KDM4B: variants seen among roughly 807,000 people sequenced by gnomAD.
The protein encoded by KDM4B is lysine demethylase 4B.
Under a neutral mutation model 125.2 loss-of-function variants are expected in KDM4B, and 32 were observed. That is an observed-to-expected ratio of 0.26 (90% CI 0.19 to 0.34). The LOEUF (loss-of-function observed/expected upper bound fraction) is 0.34, where lower values mean the gene tolerates loss of function less well. Ranked by LOEUF, KDM4B falls within the 10% of genes least tolerant of loss-of-function variation. The pLI is 1.00. For synonymous variants in KDM4B, 721 were observed against 677.9 expected (o/e 1.06, Z -0.99); for missense variants, 1,190 against 1,577.7 (o/e 0.75, Z 4.16).
chr19:5,046,287 AAC>A (rs1389189124), intron 5 of KDM4B, among the ~76,000 whole-genome samples: 16 of 152,240 alleles, frequency 1.1e-4, no homozygotes, highest in African/African-American at 3.9e-4. Flanking sequence ...CAGCGGGGGA[AAC>A]AGCCCACAGC....
rs752073066 is a variant in KDM4B at position 5,151,382 on chromosome 19, G to GGCCAAGGCC, written c.3169_3177dup (p.Ala1057_Lys1059dup). ...AGGAGCCCGCCTTCTCGGGGGAGGAGGCCAAGGCCGCCAAGCGCCCGCGTG... is the reference window on the plus strand; with the variant it reads ...AGGAGCCCGCCTTCTCGGGGGAGGAGGCCAAGGCCGCCAAGGCCGCCAAGCGCCCGCGTG... On this transcript the variant is annotated inframe_insertion, in exon 23 of 23. Coordinates refer to ENST00000159111, the MANE Select transcript of KDM4B (RefSeq NM_015015.3). 3.1e-6 allele frequency: 5 copies of GGCCAAGGCC among 1,589,766 alleles called. No individual in the cohort carries two copies. Among genetic ancestry groups the GGCCAAGGCC allele is most frequent in the Admixed American group, 3.5e-5 (2 of 57,532 alleles).
rs2039751055 is a variant in KDM4B, at chr19:5,141,913, T to A, written c.2551-2054T>A. On this transcript the variant is annotated intron_variant, in intron 18 of 22. Transcript: ENST00000159111. The surrounding 1 kb of genome is among the most constrained non-coding windows in gnomAD (Gnocchi z 6.4). ...GAGGGGTGGGCAGTTGCACCAGCTC[T>A]CTCCACTGCCCACAGTCCTGCCTGG... 6.6e-6 allele frequency among the ~76,000 whole-genome samples: 1 copy of A among 151,910 alleles called. No individual in the cohort carries two copies. The highest frequency in any genetic ancestry group is 2.1e-4 in the South Asian group (1 of 4,822).
At chr19:4,981,091 C>T (rs574176551) in intron 1 of KDM4B, among the ~76,000 whole-genome samples, 2 of 152,224 alleles carry the variant, frequency 1.3e-5, no homozygotes, top group East Asian at 1.9e-4. Flanking sequence ...GTCCGCGCCA[C>T]GGGCCTCTTC....
intron 6 of KDM4B, among the ~76,000 whole-genome samples, chr19:5,070,303 C>A (rs1304848433): frequency 6.6e-6 from 1 of 152,220 alleles, no homozygotes; most frequent in African/African-American, 2.4e-5. Context: ...TGGTGCCCAC[C>A]CTCCCTGATG....
chr19:5,022,374 A>G (rs2036150925), intron 2 of KDM4B, among the ~76,000 whole-genome samples: 1 of 152,032 alleles, frequency 6.6e-6, no homozygotes, highest in Non-Finnish European at 1.5e-5. Context: ...CCTCCGCCCG[A>G]GGGCCACCGT....
intron 7 of KDM4B, among the ~76,000 whole-genome samples, chr19:5,072,371 C>T (rs549667255): frequency 6.6e-6 from 1 of 152,248 alleles, no homozygotes; most frequent in African/African-American, 2.4e-5. Context: ...GCTGGGCCCT[C>T]TCCTGGCATG....
chr19:5,014,958 G>A, intron 1 of KDM4B, among the ~76,000 whole-genome samples: 1 of 150,732 alleles, frequency 6.6e-6, no homozygotes, highest in East Asian at 2.0e-4. Context: ...TCGTGCCACT[G>A]CACTCCAGCC....
rs201558560 is a variant in KDM4B at position 5,071,006 on chromosome 19, G to A, written c.627-4G>A. ...GCCTCTGACGTGCCTCCCTTCTCTC[G>A]CAGGTACGCCATCCCACCAGAGCAC... On this transcript the variant is annotated splice_polypyrimidine_tract_variant and splice_region_variant and intron_variant, in intron 6 of 22. Transcript: ENST00000159111. 2.0e-5 allele frequency: 32 copies of A among 1,613,392 alleles called. No individual in the cohort carries two copies. Among genetic ancestry groups the A allele is most frequent in the Admixed American group, 3.3e-5 (2 of 59,994 alleles).
At chr19:5,111,776 C>G (rs776089653) in intron 10 of KDM4B, 27 of 765,086 alleles carry the variant, frequency 3.5e-5, no homozygotes, top group Middle Eastern at 2.2e-4. Context: ...ACTTTGCAGG[C>G]CAGGCCTCCT....
In KDM4B at chr19:5,137,943, G is replaced by A. The variant is rs371816246; in HGVS notation, c.2442-19G>A. ...GGTCCTCAGAGGCGCACCTGACCCCGCTGCACCTGCCCTCCCAGGTGGATC... is the reference window on the plus strand; with the variant it reads ...GGTCCTCAGAGGCGCACCTGACCCCACTGCACCTGCCCTCCCAGGTGGATC... On this transcript the variant is annotated intron_variant, in intron 17 of 22. Transcript: ENST00000159111. 54 of 1,602,484 alleles carry A rather than the reference G, an allele frequency of 3.4e-5. No homozygotes were observed. Among genetic ancestry groups the A allele is most frequent in the East Asian group, 2.0e-4 (9 of 44,706 alleles).
At position 5,081,938 on chromosome 19, in the gene KDM4B, C is replaced by A. The variant is rs1050361444; in HGVS notation, c.781-429C>A. The stretch of plus-strand genomic sequence containing the variant: ...CAGCCCCAGCTGCTTCAGGACATGT[C>A]ACAGTGACTGTGAGTGTGACTCAGC... On this transcript the variant is annotated intron_variant, in intron 8 of 22. Coordinates refer to ENST00000159111, the MANE Select transcript of KDM4B (RefSeq NM_015015.3). The surrounding 1 kb of genome is among the most constrained non-coding windows in gnomAD (Gnocchi z 4.2). Among the ~76,000 whole-genome samples, 1 of 152,236 alleles carries A rather than the reference C, an allele frequency of 6.6e-6. No homozygotes were observed. The highest frequency in any genetic ancestry group is 1.5e-5 in the Non-Finnish European group (1 of 68,042).
At chr19:5,116,020 C>G (rs1256543908) in intron 10 of KDM4B, among the ~76,000 whole-genome samples, 2 of 152,074 alleles carry the variant, frequency 1.3e-5, no homozygotes, top group Non-Finnish European at 2.9e-5. Flanking sequence ...ATTACCCAAA[C>G]CACAATGCAT....
At chr19:5,016,017 G>A (rs897628717) in intron 1 of KDM4B, among the ~76,000 whole-genome samples, 2 of 152,188 alleles carry the variant, frequency 1.3e-5, no homozygotes, top group Admixed American at 6.5e-5. Context: ...GGATACTCCC[G>A]CTGCCTTGGC....
In KDM4B at chr19:5,142,809, C is replaced by T. The variant is rs1219491619; in HGVS notation, c.2551-1158C>T. 2.0e-5 allele frequency among the ~76,000 whole-genome samples: 3 copies of T among 151,106 alleles called. No homozygotes were observed. Among genetic ancestry groups the T allele is most frequent in the African/African-American group, 7.3e-5 (3 of 41,040 alleles). ...ACGAGATCTCGATGCCGTCGATCGG[C>T]CCTGCTCCAGGCCCTTGGCTTATCT... On this transcript the variant is annotated intron_variant, in intron 18 of 22. Coordinates refer to ENST00000159111, the MANE Select transcript of KDM4B (RefSeq NM_015015.3). The surrounding 1 kb of genome is among the most constrained non-coding windows in gnomAD (Gnocchi z 5.4).
chr19:5,024,949 A>T (rs2036233606), intron 2 of KDM4B, among the ~76,000 whole-genome samples: 1 of 152,248 alleles, frequency 6.6e-6, no homozygotes, highest in Non-Finnish European at 1.5e-5. Flanking sequence ...ACTCCGTCTC[A>T]AAAAACAAAA....
At chr19:5,084,321 T>C (rs1214930985) in intron 9 of KDM4B, among the ~76,000 whole-genome samples, 1 of 146,054 alleles carries the variant, frequency 6.8e-6, no homozygotes, top group African/African-American at 2.5e-5. Context: ...GTATAATTTA[T>C]ATATTGTATA....
chr19:5,130,298 C>T (rs1030839930), intron 11 of KDM4B, among the ~76,000 whole-genome samples: 10 of 152,160 alleles, frequency 6.6e-5, no homozygotes, highest in East Asian at 1.9e-4. Context: ...GGGACCCGCA[C>T]GCTTCTGGGG....
Position 5,035,713 on chromosome 19 carries a change from T to A in KDM4B, c.141+2682T>A, listed in dbSNP as rs2036596019. 2.6e-5 allele frequency among the ~76,000 whole-genome samples: 4 copies of A among 152,032 alleles called. 1 individual carries two copies. The South Asian group carries it at 8.3e-4, about 32-fold the overall frequency. The stretch of plus-strand genomic sequence containing the variant: ...TGGTTTCCCTGCCTTGCGTTCTGCG[T>A]GTTCCTTCCCATGCCTCTGCAGCGG... On this transcript the variant is annotated intron_variant, in intron 3 of 22. Coordinates refer to ENST00000159111, the MANE Select transcript of KDM4B (RefSeq NM_015015.3). This position sits in a 1 kb window ranked among gnomAD's most constrained non-coding sequence, Gnocchi z 5.3.
intron 1 of KDM4B, among the ~76,000 whole-genome samples, chr19:5,015,032 A>G (rs937558229): frequency 6.7e-6 from 1 of 149,724 alleles, no homozygotes; most frequent in East Asian, 2.0e-4. Flanking sequence ...CCAGGGCCCC[A>G]GGGGGCGAGC....
Sources: allele counts gnomAD v4.1 joint callset (sites outside exome capture counted in the v4.1 genomes callset), GRCh38; gene constraint gnomAD v4.1.1; non-coding constraint Gnocchi (gnomAD v3.1); transcripts MANE v1.5; gene names NCBI Gene and HGNC (gene_info 2026-07-23, HGNC 2026-07-21).